MCC: variants seen among roughly 807,000 people sequenced by gnomAD.
MCC encodes the protein colorectal mutant cancer protein.
In MCC, 90 loss-of-function variants were observed where a neutral mutation model predicts 116.2. The ratio of observed to expected loss-of-function variants is 0.77; its 90% CI spans 0.65 to 0.92. MCC has a LOEUF of 0.92. MCC is among the 40% of genes least tolerant of loss of function. MCC has a pLI of 0.00. For missense variants in MCC, 1,516 were observed against 1,312.2 expected (o/e 1.16, Z -2.40); for synonymous variants, 578 against 510.5 (o/e 1.13, Z -1.78).
At chr5:113,058,680 C>T (rs998630817) in intron 14 of MCC, among the ~76,000 whole-genome samples, 3 of 152,200 alleles carry the variant, frequency 2.0e-5, no homozygotes, top group African/African-American at 7.2e-5. Context: ...CCTCCTCTGC[C>T]ACTTCCTTGC....
At chr5:113,061,908 A>T (rs1753251054) in intron 14 of MCC, among the ~76,000 whole-genome samples, 1 of 152,244 alleles carries the variant, frequency 6.6e-6, no homozygotes, top group Non-Finnish European at 1.5e-5. Context: ...GGCAAGATTT[A>T]CAAACAAAAT....
chr5:113,334,776 A>C lies in MCC; in HGVS notation c.627+5743T>G, dbSNP rs191085749. Among the ~76,000 whole-genome samples the C allele has an allele frequency of 8.0e-5, 12 of 150,696 alleles. No homozygotes were observed. In the East Asian group the frequency reaches 2.3e-3, roughly 29 times the overall value. ...CGGCTAATTTTTGTATTTTTAGTAG[A>C]GATGTGGTTTTACCATGTTGGCCAG... is the stretch of plus-strand genomic sequence containing the variant. On this transcript the variant is annotated intron_variant, in intron 3 of 18. Transcript: ENST00000408903.
At chr5:113,374,087 T>G (rs1022689510) in intron 2 of MCC, among the ~76,000 whole-genome samples, 1 of 152,090 alleles carries the variant, frequency 6.6e-6, no homozygotes, top group African/African-American at 2.4e-5. Flanking sequence ...GAGATGGGGT[T>G]TCACCATGTT....
chr5:113,077,690 T>G (rs564365548), intron 11 of MCC, among the ~76,000 whole-genome samples: 1 of 152,150 alleles, frequency 6.6e-6, no homozygotes, highest in Admixed American at 6.5e-5. Context: ...ACTAAATGCC[T>G]ACAAGAGAAA....
chr5:113,407,333 G>A (rs1561555468), intron 1 of MCC, among the ~76,000 whole-genome samples: 1 of 152,198 alleles, frequency 6.6e-6, no homozygotes, highest in Non-Finnish European at 1.5e-5. Context: ...AGTGTATTAT[G>A]GCATTAGGCA....
At chr5:113,346,608 AAACAAAC>A (rs748444431) in intron 2 of MCC, among the ~76,000 whole-genome samples, 1 of 120,706 alleles carries the variant, frequency 8.3e-6, no homozygotes, top group African/African-American at 4.5e-5. Flanking sequence ...CTAAAAAAAC[AAACAAAC>A]AACAACAACA....
Position 113,063,982 on chromosome 5 carries a change from A to C in MCC, c.2213+2T>G. 1 of 1,611,046 alleles carries C rather than the reference A, an allele frequency of 6.2e-7. No homozygotes were observed. The highest frequency in any genetic ancestry group is 8.5e-7 in the Non-Finnish European group (1 of 1,178,964). ...ACCCCAGAGCAGAAGGCTGAGCATTACCTGGTGTGGCTGTTGGAGGAAAGG... is the reference window on the plus strand; with the variant it reads ...ACCCCAGAGCAGAAGGCTGAGCATTCCCTGGTGTGGCTGTTGGAGGAAAGG... On this transcript the variant is annotated splice_donor_variant, in intron 14 of 18. Coordinates refer to ENST00000408903, the MANE Select transcript of MCC (RefSeq NM_001085377.2). LOFTEE classifies it high-confidence loss of function.
chr5:113,248,523 C>G (rs1044027043), intron 3 of MCC, among the ~76,000 whole-genome samples: 30 of 152,184 alleles, frequency 2.0e-4, no homozygotes, highest in African/African-American at 7.2e-4. Flanking sequence ...CAAAACACCT[C>G]TGGCCCCAGG....
chr5:113,157,339 A>C (rs545340762), intron 3 of MCC, among the ~76,000 whole-genome samples: 1 of 152,350 alleles, frequency 6.6e-6, no homozygotes, highest in South Asian at 2.1e-4. Context: ...CATGAAACAC[A>C]GTTGGTAAAA....
At chr5:113,297,610 T>C (rs893101269) in intron 3 of MCC, among the ~76,000 whole-genome samples, 13 of 150,570 alleles carry the variant, frequency 8.6e-5, no homozygotes, top group Non-Finnish European at 1.6e-4. Context: ...CATGGTGGTG[T>C]GCACCATGTA....
intron 3 of MCC, among the ~76,000 whole-genome samples, chr5:113,255,249 C>A (rs1286852482): frequency 1.3e-5 from 2 of 152,168 alleles, no homozygotes; most frequent in Non-Finnish European, 1.5e-5. Flanking sequence ...GACATGTGAG[C>A]CAAAGTCCTC....
chr5:113,231,280 T>C (rs909892078), intron 3 of MCC, among the ~76,000 whole-genome samples: 4 of 152,176 alleles, frequency 2.6e-5, no homozygotes, highest in African/African-American at 9.7e-5. Flanking sequence ...GTTTTAGAAA[T>C]TTCTTAATGT....
intron 3 of MCC, among the ~76,000 whole-genome samples, chr5:113,237,493 A>G (rs1000529919): frequency 3.3e-5 from 5 of 152,226 alleles, no homozygotes; most frequent in African/African-American, 9.6e-5. Context: ...ATGGCAAGCC[A>G]GGAGAATTGG....
At chr5:113,372,955 GT>G (rs1561542023) in intron 2 of MCC, among the ~76,000 whole-genome samples, 1 of 152,086 alleles carries the variant, frequency 6.6e-6, no homozygotes. Context: ...GAGGCGGGCG[GT>G]TCACGTGGTC....
intron 11 of MCC, among the ~76,000 whole-genome samples, chr5:113,073,857 G>A (rs1016811490): frequency 5.3e-5 from 8 of 152,350 alleles, no homozygotes; most frequent in Admixed American, 2.0e-4. Context: ...GCTGAGGGTT[G>A]AGTAGGTAAA....
intron 8 of MCC, among the ~76,000 whole-genome samples, chr5:113,086,151 G>A (rs1237738304): frequency 6.6e-6 from 1 of 152,196 alleles, no homozygotes; most frequent in Non-Finnish European, 1.5e-5. Context: ...GCACTTGAGT[G>A]TTATAAATTT....
intron 3 of MCC, among the ~76,000 whole-genome samples, chr5:113,228,242 G>C (rs780222866): frequency 6.6e-6 from 1 of 152,140 alleles, no homozygotes; most frequent in Non-Finnish European, 1.5e-5. Context: ...ATGGTGTTGA[G>C]TGGTGGTGGG....
intron 3 of MCC, among the ~76,000 whole-genome samples, chr5:113,327,561 A>AAATATATATATATATATATATATATAT (rs1480996383): frequency 2.5e-5 from 2 of 80,552 alleles, no homozygotes; most frequent in African/African-American, 5.0e-5. Context: ...AAAAAAAAAA[A>AAATATATATATATATATATATATATAT]ATATATATAT....
intron 3 of MCC, among the ~76,000 whole-genome samples, chr5:113,297,558 C>T (rs1046264887): frequency 6.7e-6 from 1 of 150,262 alleles, no homozygotes; most frequent in African/African-American, 2.5e-5. Context: ...GAGTGAGACA[C>T]CATCTCAAAA....
Sources: gnomAD v4.1 joint callset for allele counts (sites outside exome capture counted in the v4.1 genomes callset) on GRCh38, gnomAD v4.1.1 for gene constraint, MANE v1.5 for transcripts, NCBI Gene and HGNC (gene_info 2026-07-23, HGNC 2026-07-21) for gene names.